Variants in ARHGEF11 observed in about 807,000 individuals in gnomAD.
ARHGEF11 encodes the protein Rho guanine nucleotide exchange factor 11.
ARHGEF11 carries 55 observed loss-of-function variants against 193.7 expected under a neutral mutation model. The ratio of observed to expected loss-of-function variants is 0.28; its 90% CI spans 0.23 to 0.36. The LOEUF is 0.36. ARHGEF11 is among the 10% of genes least tolerant of loss of function. The pLI is 1.00. For missense variants in ARHGEF11, 1,723 were observed against 2,005.6 expected, an observed-to-expected ratio of 0.86 and a Z score of 2.69; for synonymous variants, 693 against 768.0, an observed-to-expected ratio of 0.90 and a Z score of 1.62.
chr1:157,035,620 G>A (rs2103041002), intron 1 of ARHGEF11, among the ~76,000 whole-genome samples: 1 of 151,648 alleles, frequency 6.6e-6, no homozygotes, highest in Non-Finnish European at 1.5e-5. Flanking sequence ...GGTCAGGCTG[G>A]TACAAATTAT....
chr1:156,944,359 C>A lies in ARHGEF11; in HGVS notation c.3066G>T (p.Leu1022Phe), dbSNP rs971068668. 1.9e-6 allele frequency: 3 copies of A among 1,614,036 alleles called. No individual in the cohort carries two copies. Among genetic ancestry groups the A allele is most frequent in the Non-Finnish European group, 2.5e-6 (3 of 1,180,026 alleles). Residue 1022 changes from leucine to phenylalanine, a missense_variant and splice_region_variant, in exon 31 of 41, where the codon TTG becomes TTT. Physicochemically the swap from Leu to Phe is conservative, Grantham distance 22 (BLOSUM62 0). Coordinates refer to ENST00000368194, the MANE Select transcript of ARHGEF11 (RefSeq NM_198236.3). ...CAGTCCCAGTCCCCTGGCACATACCCAAGGTCTTATCCTTGCTGATCCTCC... is the reference window on the plus strand; with the variant it reads ...CAGTCCCAGTCCCCTGGCACATACCAAAGGTCTTATCCTTGCTGATCCTCC... ...LTWRISKDKT[L>F]DLHVLLLEDL...
chr1:156,977,681 T>C (rs1389967142), intron 6 of ARHGEF11, among the ~76,000 whole-genome samples: 2 of 152,204 alleles, frequency 1.3e-5, no homozygotes, highest in Non-Finnish European at 2.9e-5. Context: ...CACAAAGTGT[T>C]GGAATTACAG....
chr1:156,993,324 C>G (rs1010230215), intron 1 of ARHGEF11, among the ~76,000 whole-genome samples: 1 of 152,082 alleles, frequency 6.6e-6, no homozygotes, highest in Admixed American at 6.6e-5. Context: ...GACATATACA[C>G]ATATATACAT....
chr1:156,983,101 G>A (rs889016097), intron 3 of ARHGEF11, among the ~76,000 whole-genome samples: 3 of 152,124 alleles, frequency 2.0e-5, no homozygotes, highest in Non-Finnish European at 4.4e-5. Flanking sequence ...TTTAAGCCAA[G>A]CCTAGGATGC....
chr1:156,955,006 C>A, intron 20 of ARHGEF11, 85 bp from the exon 21 acceptor site: 1 of 1,256,600 alleles, frequency 8.0e-7, no homozygotes, highest in South Asian at 1.3e-5. Flanking sequence ...TACATCAAGC[C>A]AAAAAATTAA....
chr1:156,965,567 C>T (rs1661573947), intron 11 of ARHGEF11, among the ~76,000 whole-genome samples: 1 of 152,148 alleles, frequency 6.6e-6, no homozygotes, highest in Non-Finnish European at 1.5e-5. Flanking sequence ...AATACCTGTC[C>T]GATCCTTTTC....
At chr1:156,971,041 G>A (rs1662415796) in intron 8 of ARHGEF11, among the ~76,000 whole-genome samples, 1 of 152,144 alleles carries the variant, frequency 6.6e-6, no homozygotes. Flanking sequence ...ATTCCTATTG[G>A]CTTTGTCAAA....
At chr1:156,978,131 T>G in intron 6 of ARHGEF11, 73 bp downstream of exon 6, 2 of 1,587,448 alleles carry the variant, frequency 1.3e-6, no homozygotes, top group Non-Finnish European at 8.6e-7. Context: ...TGGATTTAAC[T>G]TGCTTTCCTC....
At position 156,937,411 on chromosome 1, in the gene ARHGEF11, A is replaced by AGGCTGAGGGG. The variant is rs1182892555; in HGVS notation, c.4268_4277dup (p.Asp1427ProfsTer4). 1.3e-6 allele frequency: 2 copies of AGGCTGAGGGG among 1,591,084 alleles called. No homozygotes were observed. ...CTGTCTGCCCTGCAGGGAGGCTGTC[A>AGGCTGAGGGG]GGCTGAGGGGGGCTCATGGGTGCCT... On this transcript the variant is annotated frameshift_variant, in exon 39 of 41. Transcript: ENST00000368194. LOFTEE classifies it high-confidence loss of function.
intron 36 of ARHGEF11, 94 bp downstream of exon 36, chr1:156,940,113 C>A: frequency 6.9e-7 from 1 of 1,445,496 alleles, no homozygotes; most frequent in Non-Finnish European, 9.3e-7. Flanking sequence ...CCAGGAAGAG[C>A]CTTCGGGAAG....
chr1:157,004,590 T>C (rs910242917), intron 1 of ARHGEF11, among the ~76,000 whole-genome samples: 4 of 152,148 alleles, frequency 2.6e-5, no homozygotes, highest in Admixed American at 2.0e-4. Flanking sequence ...CCGAGAGAGA[T>C]GCAATGGGAA....
intron 1 of ARHGEF11, among the ~76,000 whole-genome samples, chr1:157,006,632 G>C (rs1250577677): frequency 1.3e-5 from 2 of 152,148 alleles, no homozygotes; most frequent in African/African-American, 4.8e-5. Flanking sequence ...TCAATACTTT[G>C]GTTCTTGGTA....
rs929357199 is a variant in ARHGEF11, at chr1:156,945,387, G to A, written c.2813-190C>T. On this transcript the variant is annotated intron_variant, in intron 29 of 40. Transcript: ENST00000368194. ...GGGTAACTTTTACTGAGCATCTTCA[G>A]GTCTCAGACAGATCACTGCTTTGAA... 1.7e-5 allele frequency: 10 copies of A among 597,650 alleles called. No individual in the cohort carries two copies. The African/African-American group carries it at 1.9e-4, about 11-fold the overall frequency. 37.0% of individuals were successfully genotyped at this position (597,650 alleles called of 1,614,324 possible). A position where few individuals can be genotyped will look rare whatever the true frequency, so the allele number is the denominator to read the frequency against.
At chr1:156,962,294 A>G (rs1379296435) in intron 13 of ARHGEF11, among the ~76,000 whole-genome samples, 2 of 152,158 alleles carry the variant, frequency 1.3e-5, no homozygotes, top group Non-Finnish European at 2.9e-5. Flanking sequence ...TGGTATCCCC[A>G]GAAAGACAAA....
chr1:157,002,979 A>G (rs918693926), intron 1 of ARHGEF11, among the ~76,000 whole-genome samples: 4 of 152,258 alleles, frequency 2.6e-5, no homozygotes, highest in Non-Finnish European at 5.9e-5. Flanking sequence ...ATTCTATTTC[A>G]TGAGAGTGTT....
At chr1:156,951,972 C>T (rs1381489629) in intron 21 of ARHGEF11, among the ~76,000 whole-genome samples, 1 of 151,948 alleles carries the variant, frequency 6.6e-6, no homozygotes, top group Non-Finnish European at 1.5e-5. Context: ...ATTCTTTTGG[C>T]TCTCACATTA....
At position 157,036,196 on chromosome 1, in the gene ARHGEF11, A is replaced by AATATAT. The variant is rs370355162; in HGVS notation, c.32+8097_32+8102dup. The stretch of plus-strand genomic sequence containing the variant: ...GAATACATATATGAATACATATATG[A>AATATAT]ATATATATACATATATATATATGGC... On this transcript the variant is annotated intron_variant, in intron 1 of 40. Coordinates refer to ENST00000368194, the MANE Select transcript of ARHGEF11 (RefSeq NM_198236.3). Among the ~76,000 whole-genome samples the AATATAT allele has an allele frequency of 7.0e-4, 93 of 132,298 alleles. 1 individual carries two copies. In the South Asian group the frequency reaches 7.5e-3, roughly 11 times the overall value. 86.8% of individuals were successfully genotyped at this position (132,298 alleles called of 152,430 possible). A position where few individuals can be genotyped will look rare whatever the true frequency, so the allele number is the denominator to read the frequency against.
In ARHGEF11 at chr1:156,997,038, A is replaced by AT. The variant is rs111766299; in HGVS notation, c.33-10866dup. 1.9e-3 allele frequency among the ~76,000 whole-genome samples: 276 copies of AT among 145,566 alleles called. 1 individual carries two copies. Among genetic ancestry groups the AT allele is most frequent in the African/African-American group, 5.9e-3 (235 of 39,900 alleles). On this transcript the variant is annotated intron_variant, in intron 1 of 40. Transcript: ENST00000368194. ...CACTATATCTGGCTAGTTAAAAAAA[A>AT]TTTTTTTTTTTGTAGAGATGGGGTC...
chr1:156,958,902 A>G, intron 16 of ARHGEF11, 38 bp from the exon 17 acceptor site: 1 of 1,613,686 alleles, frequency 6.2e-7, no homozygotes, highest in Non-Finnish European at 8.5e-7. Flanking sequence ...AGAAATATAC[A>G]CAAATACTCA....
Sources: gnomAD v4.1 joint callset for allele counts (sites outside exome capture counted in the v4.1 genomes callset) on GRCh38, gnomAD v4.1.1 for gene constraint, MANE v1.5 for transcripts, NCBI Gene and HGNC (gene_info 2026-07-23, HGNC 2026-07-21) for gene names.